The following KDM4C variants were observed in gnomAD, a reference collection of about 807,000 sequenced individuals.
KDM4C encodes the protein lysine-specific demethylase 4C.
In KDM4C, 81 loss-of-function variants were observed where a neutral mutation model predicts 129.3. That is an observed-to-expected ratio of 0.63 (90% CI 0.52 to 0.75). The LOEUF (loss-of-function observed/expected upper bound fraction) is 0.75, where lower values mean the gene tolerates loss of function less well. KDM4C is among the 30% of genes least tolerant of loss of function. The pLI, the probability that KDM4C is intolerant of heterozygous loss-of-function variation, is 0.00. For synonymous variants in KDM4C, 573 were observed against 456.1 expected (o/e 1.26, Z -3.26); for missense variants, 1,457 against 1,304.0 (o/e 1.12, Z -1.81).
At chr9:6,877,764 A>C (rs1442946468) in intron 5 of KDM4C, among the ~76,000 whole-genome samples, 7 of 152,196 alleles carry the variant, frequency 4.6e-5, no homozygotes, top group African/African-American at 1.4e-4. Flanking sequence ...AAAACATTAA[A>C]ATTAGTCTTT....
intron 15 of KDM4C, among the ~76,000 whole-genome samples, chr9:7,040,677 G>A (rs542985612): frequency 1.3e-5 from 2 of 151,690 alleles, no homozygotes; most frequent in South Asian, 4.2e-4. Flanking sequence ...TTTTAGGCTG[G>A]CTGCTTTTTC....
At chr9:6,820,861 C>A (rs531943086) in intron 4 of KDM4C, among the ~76,000 whole-genome samples, 321 of 151,470 alleles carry the variant, frequency 2.1e-3, no homozygotes, top group African/African-American at 7.6e-3. Flanking sequence ...CTAATGCTAT[C>A]CCTCCCCCAG....
chr9:6,856,550 G>GTGTGTT (rs994592791), intron 5 of KDM4C, among the ~76,000 whole-genome samples: 7 of 135,468 alleles, frequency 5.2e-5, no homozygotes, highest in African/African-American at 2.0e-4. Context: ...GTGTGTGTGT[G>GTGTGTT]TGTGTGTGTG....
rs752414527 is a variant in KDM4C, at chr9:6,745,044, C to G, written c.49+24047C>G. Among the ~76,000 whole-genome samples, 10 of 152,126 alleles carry G rather than the reference C, an allele frequency of 6.6e-5. No individual in the cohort carries two copies. The South Asian group carries it at 1.4e-3, about 22-fold the overall frequency. ...CCCTTTCACCTTTGACCCAATAGGT[C>G]TCCCCAGACCTTGGGTGGTGGCACT... On this transcript the variant is annotated intron_variant, in intron 1 of 17. Coordinates refer to the KDM4C transcript ENST00000536108.
intron 20 of KDM4C, among the ~76,000 whole-genome samples, chr9:7,166,898 A>G (rs1844446661): frequency 6.6e-6 from 1 of 152,230 alleles, no homozygotes; most frequent in Admixed American, 6.5e-5. Flanking sequence ...CTCAAGCACA[A>G]GTAGTTTAAA....
At chr9:6,807,244 C>T (rs1241081173) in intron 3 of KDM4C, among the ~76,000 whole-genome samples, 1 of 152,122 alleles carries the variant, frequency 6.6e-6, no homozygotes, top group Non-Finnish European at 1.5e-5. Context: ...ACTATAACCT[C>T]CCAGCCGCCT....
chr9:7,133,765 A>T (rs563653332), intron 19 of KDM4C, among the ~76,000 whole-genome samples: 7 of 152,320 alleles, frequency 4.6e-5, no homozygotes, highest in African/African-American at 1.7e-4. Flanking sequence ...CTCGCTTGGC[A>T]AGCATAGGTG....
intron 11 of KDM4C, among the ~76,000 whole-genome samples, chr9:6,987,296 G>T (rs1563937983): frequency 6.6e-6 from 1 of 152,108 alleles, no homozygotes; most frequent in Admixed American, 6.5e-5. Flanking sequence ...GAGGCCCTTT[G>T]CCTCTGAGAA....
intron 1 of KDM4C, among the ~76,000 whole-genome samples, chr9:6,737,858 T>C (rs1817575100): frequency 6.6e-6 from 1 of 151,742 alleles, no homozygotes; most frequent in Non-Finnish European, 1.5e-5. Flanking sequence ...GATGCTGGGC[T>C]GGGCAAGGTG....
intron 1 of KDM4C, among the ~76,000 whole-genome samples, chr9:6,763,072 GATC>G (rs1262057934): frequency 2.0e-5 from 3 of 151,856 alleles, no homozygotes; most frequent in Non-Finnish European, 4.4e-5. Context: ...GCGTGGTTAC[GATC>G]TTCTAAATCC....
intron 4 of KDM4C, among the ~76,000 whole-genome samples, chr9:6,826,588 G>A (rs998726512): frequency 1.5e-4 from 23 of 152,068 alleles, no homozygotes; most frequent in South Asian, 4.1e-4. Context: ...TTATTTGGCC[G>A]GGCGCGGTGG....
intron 17 of KDM4C, among the ~76,000 whole-genome samples, chr9:7,082,000 G>T (rs971139730): frequency 3.9e-5 from 6 of 152,146 alleles, no homozygotes; most frequent in African/African-American, 1.4e-4. Context: ...CTAGATATCA[G>T]GTGTTTTCCA....
chr9:7,141,329 A>G (rs1009375985), intron 19 of KDM4C, among the ~76,000 whole-genome samples: 22 of 152,144 alleles, frequency 1.4e-4, no homozygotes, highest in African/African-American at 5.1e-4. Context: ...TACAGACTAT[A>G]AGAGACTATA....
intron 8 of KDM4C, among the ~76,000 whole-genome samples, chr9:6,898,840 T>G (rs1393020769): frequency 6.6e-6 from 1 of 152,186 alleles, no homozygotes; most frequent in Non-Finnish European, 1.5e-5. Context: ...CAATCAGGGA[T>G]CATTTTTGTG....
intron 17 of KDM4C, among the ~76,000 whole-genome samples, chr9:7,064,099 A>G (rs571924952): frequency 1.3e-5 from 2 of 152,332 alleles, no homozygotes; most frequent in East Asian, 1.9e-4. Context: ...AAGCAGCTAC[A>G]TTTAAAAACT....
intron 17 of KDM4C, among the ~76,000 whole-genome samples, chr9:7,051,746 A>T (rs1319169155): frequency 6.6e-6 from 1 of 152,098 alleles, no homozygotes; most frequent in Non-Finnish European, 1.5e-5. Flanking sequence ...CTTCCTCTTC[A>T]TACAACTGGA....
intron 18 of KDM4C, chr9:7,104,187 C>T: frequency 3.6e-6 from 1 of 278,166 alleles, no homozygotes; most frequent in Non-Finnish European, 7.1e-6. Flanking sequence ...CTTGGTTGTA[C>T]ACATTGTGCA....
intron 8 of KDM4C, among the ~76,000 whole-genome samples, chr9:6,928,412 C>G (rs1429942954): frequency 6.6e-6 from 1 of 152,156 alleles, no homozygotes; most frequent in Non-Finnish European, 1.5e-5. Flanking sequence ...GCATGTATCT[C>G]TTGTCCAGAA....
intron 8 of KDM4C, among the ~76,000 whole-genome samples, chr9:6,943,457 C>T (rs946918414): frequency 6.6e-6 from 1 of 152,062 alleles, no homozygotes; most frequent in Non-Finnish European, 1.5e-5. Context: ...GCCTGTAATC[C>T]TGGCACTTCA....
Sources: gnomAD v4.1 joint callset for allele counts (sites outside exome capture counted in the v4.1 genomes callset) on GRCh38, gnomAD v4.1.1 for gene constraint, MANE v1.5 for transcripts, NCBI Gene and HGNC (gene_info 2026-07-23, HGNC 2026-07-21) for gene names.